EIF4ENIF1: variants seen among roughly 807,000 people sequenced by gnomAD.
EIF4ENIF1 encodes eukaryotic translation initiation factor 4E transporter.
EIF4ENIF1 carries 23 observed loss-of-function variants against 110.5 expected under a neutral mutation model. The observed-to-expected ratio is 0.21, with a 90% CI of 0.15 to 0.29. The LOEUF is 0.29. EIF4ENIF1 is among the 10% of genes least tolerant of loss of function. EIF4ENIF1 has a pLI of 1.00. For synonymous variants in EIF4ENIF1, 440 were observed against 437.0 expected (o/e 1.01, Z -0.09); for missense variants, 1,031 against 1,221.1 (o/e 0.84, Z 2.32).
chr22:31,453,372 C>A, intron 10 of EIF4ENIF1: 2 of 390,134 alleles, frequency 5.1e-6, no homozygotes, highest in Non-Finnish European at 1.0e-5. Context: ...ACAAACCCAT[C>A]TTACTTTTTT....
chr22:31,481,000 T>C (rs1353322035), intron 2 of EIF4ENIF1, among the ~76,000 whole-genome samples: 2 of 151,416 alleles, frequency 1.3e-5, no homozygotes, highest in Non-Finnish European at 2.9e-5. Flanking sequence ...GAGGTGGAGG[T>C]TGCAGTGAGC....
intron 3 of EIF4ENIF1, among the ~76,000 whole-genome samples, chr22:31,469,607 G>A (rs1185736540): frequency 6.6e-6 from 1 of 152,180 alleles, no homozygotes; most frequent in Non-Finnish European, 1.5e-5. Context: ...GAAAGGAAAT[G>A]AGAAGCTCTC....
rs1569061523 is a variant in EIF4ENIF1 at position 31,441,876 on chromosome 22, C to T, written c.2449G>A (p.Val817Ile). ...TGGTGAGCAGGCCTAACCATAGGGA[C>T]ATGGGGGACAAGGGGAACTTGGTGG... ...PVHQVPLVPH[V>I]PMVRPAHQLH... is the part of the protein sequence containing the mutation. Residue 817 changes from valine to isoleucine, a missense_variant, in exon 17 of 19, where the codon GTC becomes ATC. Coordinates refer to ENST00000330125, the MANE Select transcript of EIF4ENIF1 (RefSeq NM_019843.4). The T allele has an allele frequency of 6.2e-7, 1 of 1,614,150 alleles. No homozygotes were observed. The highest frequency in any genetic ancestry group is 8.5e-7 in the Non-Finnish European group (1 of 1,180,024).
chr22:31,458,735 A>G, intron 6 of EIF4ENIF1, 85 bp from the exon 7 acceptor site: 1 of 1,272,026 alleles, frequency 7.9e-7, no homozygotes, highest in Non-Finnish European at 1.1e-6. Flanking sequence ...GTATACATGT[A>G]GAAGAGCCAC....
intron 2 of EIF4ENIF1, among the ~76,000 whole-genome samples, chr22:31,472,740 T>A (rs1028794857): frequency 6.6e-6 from 1 of 152,230 alleles, no homozygotes. Context: ...GATATTTTGT[T>A]ACATGTATAA....
At chr22:31,485,508 T>A (rs1386931439) in intron 2 of EIF4ENIF1, among the ~76,000 whole-genome samples, 2 of 152,206 alleles carry the variant, frequency 1.3e-5, no homozygotes, top group Non-Finnish European at 2.9e-5. Context: ...ACTCTACCAG[T>A]AGACTACTGG....
At chr22:31,492,877 G>C (rs548840559), upstream of EIF4ENIF1, among the ~76,000 whole-genome samples, 1 of 152,066 alleles carries the variant, frequency 6.6e-6, no homozygotes, top group South Asian at 2.1e-4. Context: ...GATTACAGGC[G>C]CATGCCACCA....
upstream of EIF4ENIF1, among the ~76,000 whole-genome samples, chr22:31,491,073 G>C (rs750924619): frequency 9.9e-5 from 15 of 152,126 alleles, no homozygotes; most frequent in Non-Finnish European, 1.8e-4. Flanking sequence ...CATCAGGCCT[G>C]AGTTTGCATT....
downstream of EIF4ENIF1, chr22:31,437,936 A>G (rs896386309): frequency 2.6e-5 from 4 of 152,228 alleles, no homozygotes; most frequent in Non-Finnish European, 5.9e-5. Context: ...GGCTGAAAGA[A>G]AAGTACCAGG....
rs563911621 is a variant in EIF4ENIF1, at chr22:31,450,217, A to T, written c.1584+72T>A. ...ATCATTTTCTAAGGCCCAAAGTTGG[A>T]CCACTAAGCAAAACTGGTTCAGAAG... On this transcript the variant is annotated intron_variant, in intron 11 of 18. Coordinates refer to ENST00000330125, the MANE Select transcript of EIF4ENIF1 (RefSeq NM_019843.4). The T allele has an allele frequency of 1.3e-5, 16 of 1,232,158 alleles. No homozygotes were observed. In the South Asian group the frequency reaches 1.9e-4, roughly 15 times the overall value. The allele number at this position is 1,232,158 out of a possible 1,614,324, so 76.3% of individuals were successfully genotyped here.
chr22:31,441,963 T>G lies in EIF4ENIF1; in HGVS notation c.2362A>C (p.Thr788Pro). 6.2e-7 allele frequency: 1 copy of G among 1,614,142 alleles called. No individual in the cohort carries two copies. The highest frequency in any genetic ancestry group is 8.5e-7 in the Non-Finnish European group (1 of 1,180,014). The change falls in exon 17 of 19, where the codon ACT (threonine) becomes CCT (proline). Residue 788 changes from threonine (T) to proline (P), a missense_variant. Coordinates refer to ENST00000330125, the MANE Select transcript of EIF4ENIF1 (RefSeq NM_019843.4). ...TKEQDYRPKA[T>P]GRKTPTLASP... is the part of the protein sequence containing the mutation. Reference sequence around the variant, plus strand: ...GCCAAGGTGGGTGTTTTTCTCCCAGTTGCTTTAGGTCGATAATCTTGTTCT... The same window carrying G: ...GCCAAGGTGGGTGTTTTTCTCCCAGGTGCTTTAGGTCGATAATCTTGTTCT...
At chr22:31,472,738 G>A (rs1247088620) in intron 2 of EIF4ENIF1, among the ~76,000 whole-genome samples, 2 of 151,898 alleles carry the variant, frequency 1.3e-5, no homozygotes, top group African/African-American at 2.4e-5. Context: ...GTGATATTTT[G>A]TTACATGTAT....
chr22:31,466,601 A>C (rs962483988), intron 4 of EIF4ENIF1, among the ~76,000 whole-genome samples: 18 of 128,970 alleles, frequency 1.4e-4, no homozygotes, highest in South Asian at 2.8e-4. Flanking sequence ...ACAAAAAAAA[A>C]CAAAGCAAAT....
intron 13 of EIF4ENIF1, 49 bp from the exon 14 acceptor site, chr22:31,447,614 C>T (rs1435654612): frequency 5.8e-6 from 9 of 1,542,124 alleles, no homozygotes; most frequent in African/African-American, 1.4e-5. Context: ...GGACACCACA[C>T]TTTCTACAAA....
At chr22:31,437,925 A>C (rs2050196700), downstream of EIF4ENIF1, 1 of 152,224 alleles carries the variant, frequency 6.6e-6, no homozygotes, top group East Asian at 1.9e-4. Context: ...ATTACTAATG[A>C]GGCTGAAAGA....
chr22:31,456,099 GA>G, intron 7 of EIF4ENIF1, 112 bp from the exon 8 acceptor site: 1 of 1,073,222 alleles, frequency 9.3e-7, no homozygotes, highest in Non-Finnish European at 1.3e-6. Flanking sequence ...CTCGTGACCT[GA>G]AGATAAATAC....
chr22:31,490,824 C>A (rs1209844331), upstream of EIF4ENIF1, among the ~76,000 whole-genome samples: 1 of 152,168 alleles, frequency 6.6e-6, no homozygotes, highest in Non-Finnish European at 1.5e-5. Flanking sequence ...GGCGTGAAGT[C>A]CCGAGAACGC....
In EIF4ENIF1 at chr22:31,449,340, A is replaced by G. The variant is rs1217299314; in HGVS notation, c.1768+8T>C. ...TTCATATTTCTTTTGACAAATAAGT[A>G]TATTTACCAATTGGTGATGGTATTC... On this transcript the variant is annotated splice_region_variant and intron_variant, in intron 12 of 18. Transcript: ENST00000330125. 1 of 1,612,910 alleles carries G rather than the reference A, an allele frequency of 6.2e-7. No homozygotes were observed. The highest frequency in any genetic ancestry group is 1.7e-5 in the Admixed American group (1 of 59,706).
intron 6 of EIF4ENIF1, among the ~76,000 whole-genome samples, chr22:31,459,282 T>C (rs766041943): frequency 1.4e-4 from 22 of 152,018 alleles, no homozygotes; most frequent in Non-Finnish European, 2.5e-4. Flanking sequence ...TCTTTGCAAG[T>C]CTCTTACTGC....
Sources: allele counts gnomAD v4.1 joint callset (sites outside exome capture counted in the v4.1 genomes callset), GRCh38; gene constraint gnomAD v4.1.1; transcripts MANE v1.5; gene names NCBI Gene and HGNC (gene_info 2026-07-23, HGNC 2026-07-21).